TEX101: variants seen among roughly 807,000 people sequenced by gnomAD.
TEX101 encodes testis expressed 101.
TEX101 carries 10 observed loss-of-function variants against 18.1 expected under a neutral mutation model. That is an observed-to-expected ratio of 0.55 (90% confidence interval 0.34 to 0.94). The LOEUF (loss-of-function observed/expected upper bound fraction) is 0.94. TEX101 is among the 40% of genes least tolerant of loss of function. The pLI, the probability that TEX101 is intolerant of heterozygous loss-of-function variation, is 0.02. For synonymous variants in TEX101, 94 were observed against 114.8 expected (o/e 0.82, Z 1.16); for missense variants, 259 against 298.9 (o/e 0.87, Z 0.98).
intron 2 of TEX101, among the ~76,000 whole-genome samples, chr19:43,404,069 GTTTTTTTT>G (rs33928385): frequency 9.7e-6 from 1 of 103,204 alleles, no homozygotes; most frequent in African/African-American, 3.7e-5. Context: ...AAGTGTGTGG[GTTTTTTTT>G]TTTTTTTTTG....
chr19:43,390,671 G>A, the TEX101 span, among the ~76,000 whole-genome samples: 3 of 151,432 alleles, frequency 2.0e-5, no homozygotes, highest in African/African-American at 7.3e-5. Flanking sequence ...ATTTCATCAT[G>A]TTAGCCAGGA....
upstream of TEX101, among the ~76,000 whole-genome samples, chr19:43,413,671 G>A (rs1970439788): frequency 6.6e-6 from 1 of 152,120 alleles, no homozygotes; most frequent in African/African-American, 2.4e-5. Flanking sequence ...AGCTTACATA[G>A]GCCAGGGGTG....
chr19:43,412,490 G>A (rs1483147327), upstream of TEX101, among the ~76,000 whole-genome samples: 1 of 152,138 alleles, frequency 6.6e-6, no homozygotes, highest in Non-Finnish European at 1.5e-5. Flanking sequence ...GAGGTCCCTG[G>A]AGCTGTTGAA....
intron 1 of TEX101, among the ~76,000 whole-genome samples, chr19:43,402,260 T>C (rs1254701461): frequency 6.6e-6 from 1 of 152,250 alleles, no homozygotes; most frequent in Non-Finnish European, 1.5e-5. Context: ...CTCTGTATCA[T>C]AGAAGCAAAC....
chr19:43,418,315 G>A lies in TEX101; in HGVS notation c.668G>A (p.Gly223Glu). 6.2e-7 allele frequency: 1 copy of A among 1,614,144 alleles called. No homozygotes were observed. Among genetic ancestry groups the A allele is most frequent in the Non-Finnish European group, 8.5e-7 (1 of 1,180,048 alleles). ...ACTCAACCTCGAAAGACTGAAAATG[G>A]GGCCACCTGTCTTCCCATTCCTGTT... is the stretch of plus-strand genomic sequence containing the variant. Reference protein sequence around the residue: ...LLTQPRKTENGATCLPIPVWG... With the variant: ...LLTQPRKTENEATCLPIPVWG... The change falls in exon 6 of 6, where the codon GGG becomes GAG. Residue 223 changes from glycine (G) to glutamate (E), a missense_variant. Gly to Glu is a moderately conservative substitution (Grantham distance 98). Coordinates refer to ENST00000598265, the MANE Select transcript of TEX101 (RefSeq NM_001130011.3).
Position 43,418,023 on chromosome 19 carries a change from A to T in TEX101, c.520+17A>T. 1 of 1,614,176 alleles carries T rather than the reference A, an allele frequency of 6.2e-7. No individual in the cohort carries two copies. Among genetic ancestry groups the T allele is most frequent in the Non-Finnish European group, 8.5e-7 (1 of 1,180,034 alleles). ...TCACTGGAGGTAAACTGAAATGAAC[A>T]TCTGATAGTTTCAGAGGCTGGAAAA... On this transcript the variant is annotated intron_variant, in intron 5 of 5. Coordinates refer to ENST00000598265, the MANE Select transcript of TEX101 (RefSeq NM_001130011.3).
chr19:43,416,524 G>A lies in TEX101; in HGVS notation c.360G>A (p.Leu120=). The stretch of plus-strand genomic sequence containing the variant: ...CCTTCTGTAATGACAAAGACAGCCT[G>A]TCTCAGTTTTGGGAGTTCAGTGAGA... ...EDSFCNDKDS[L]SQFWEFSETT... is the part of the protein sequence containing the mutation. The change falls in exon 4 of 6, where the codon CTG becomes CTA. Residue 120 remains leucine, a synonymous_variant. Coordinates refer to ENST00000598265, the MANE Select transcript of TEX101 (RefSeq NM_001130011.3). 6.2e-7 allele frequency: 1 copy of A among 1,613,996 alleles called. No homozygotes were observed. Among genetic ancestry groups the A allele is most frequent in the Middle Eastern group, 1.6e-4 (1 of 6,062 alleles).
chr19:43,418,550 A>G lies in TEX101; in HGVS notation c.*153A>G, dbSNP rs959219816. 4.4e-5 allele frequency: 29 copies of G among 661,270 alleles called. No homozygotes were observed. Among genetic ancestry groups the G allele is most frequent in the East Asian group, 4.4e-4 (16 of 36,530 alleles). The allele number at this position is 661,270 out of a possible 1,614,324, so 41.0% of individuals were successfully genotyped here. A position where few individuals can be genotyped will look rare whatever the true frequency, so the allele number is the denominator to read the frequency against. On this transcript the variant is annotated 3_prime_UTR_variant, in exon 6 of 6. Coordinates refer to ENST00000598265, the MANE Select transcript of TEX101 (RefSeq NM_001130011.3). Reference sequence around the variant, plus strand: ...TGACATTTTTAATACAATTTCTGCTATAATTTTTGTATGCAGTAGGCGTTA... The same window carrying G: ...TGACATTTTTAATACAATTTCTGCTGTAATTTTTGTATGCAGTAGGCGTTA...
At chr19:43,406,658 C>T (rs1970366752) in intron 3 of TEX101, 1 of 573,678 alleles carries the variant, frequency 1.7e-6, no homozygotes, top group South Asian at 2.1e-5. Flanking sequence ...CCAGGGGCAG[C>T]GCTAGATGGG....
At chr19:43,403,132 A>G (rs573228598) in intron 2 of TEX101, among the ~76,000 whole-genome samples, 1 of 152,302 alleles carries the variant, frequency 6.6e-6, no homozygotes, top group South Asian at 2.1e-4. Flanking sequence ...CTCAGGTAGG[A>G]TCTCACCAGT....
chr19:43,401,845 C>CA (rs888488881), intron 1 of TEX101, among the ~76,000 whole-genome samples: 141 of 133,640 alleles, frequency 1.1e-3, no homozygotes, highest in East Asian at 1.3e-3. Context: ...AACTCTGTCT[C>CA]AAAAAAAAAA....
chr19:43,392,327 C>A, the TEX101 span, among the ~76,000 whole-genome samples: 25 of 151,820 alleles, frequency 1.6e-4, no homozygotes, highest in African/African-American at 6.1e-4. Context: ...AAGAGAGGAC[C>A]CAGGCTTGTG....
At chr19:43,406,607 G>A (rs1970366045) in intron 3 of TEX101, 1 of 603,492 alleles carries the variant, frequency 1.7e-6, no homozygotes. Flanking sequence ...CGAGTTTCGA[G>A]AGAGACTCTG....
the TEX101 span, among the ~76,000 whole-genome samples, chr19:43,393,031 C>T: frequency 7.2e-6 from 1 of 138,016 alleles, no homozygotes; most frequent in African/African-American, 3.1e-5. Flanking sequence ...GCACTCCAGC[C>T]TGGGTGACAG....
At chr19:43,407,197 A>AGCTGGG (rs1448372776) in intron 3 of TEX101, among the ~76,000 whole-genome samples, 3 of 152,224 alleles carry the variant, frequency 2.0e-5, no homozygotes, top group South Asian at 2.1e-4. Flanking sequence ...AGAAAACCTG[A>AGCTGGG]GCTGGGGCTG....
upstream of TEX101, among the ~76,000 whole-genome samples, chr19:43,409,886 AAAAT>A (rs1383571466): frequency 6.6e-5 from 10 of 152,142 alleles, no homozygotes; most frequent in Non-Finnish European, 1.5e-4. Context: ...GTTTAATAGT[AAAAT>A]AATTAGCTGG....
the TEX101 span, among the ~76,000 whole-genome samples, chr19:43,391,941 C>T: frequency 6.6e-6 from 1 of 152,172 alleles, no homozygotes; most frequent in East Asian, 1.9e-4. Context: ...CCAGTCTGGA[C>T]AGCATATGGA....
upstream of TEX101, among the ~76,000 whole-genome samples, chr19:43,411,428 C>T (rs1254710899): frequency 2.6e-5 from 4 of 152,050 alleles, no homozygotes; most frequent in African/African-American, 4.8e-5. Context: ...ATTAAGAGAT[C>T]GCTCTGGTGC....
the TEX101 span, among the ~76,000 whole-genome samples, chr19:43,391,326 G>A: frequency 6.6e-6 from 1 of 151,276 alleles, no homozygotes; most frequent in South Asian, 2.1e-4. Flanking sequence ...GACCACAGTG[G>A]TTGTGCCATA....
Sources: allele counts gnomAD v4.1 joint callset (sites outside exome capture counted in the v4.1 genomes callset), GRCh38; gene constraint gnomAD v4.1.1; transcripts MANE v1.5; gene names NCBI Gene and HGNC (gene_info 2026-07-23, HGNC 2026-07-21).